Variants in HS6ST2 observed in about 807,000 individuals in gnomAD.
HS6ST2 encodes heparan-sulfate 6-O-sulfotransferase 2.
A neutral mutation model predicts 33.0 loss-of-function variants in HS6ST2; 17 were observed. The observed-to-expected ratio is 0.52, with a 90% confidence interval of 0.35 to 0.77. The LOEUF (loss-of-function observed/expected upper bound fraction) is 0.77, where lower values mean the gene tolerates loss of function less well. Among genes scored for constraint, HS6ST2 ranks in the 30% least tolerant of loss-of-function variants. The pLI is 0.01. For missense variants in HS6ST2, 519 were observed against 551.7 expected (o/e 0.94, Z 0.59); for synonymous variants, 248 against 237.1 (o/e 1.05, Z -0.42).
chrX:132,676,221 T>C (rs966092743), intron 3 of HS6ST2, among the ~76,000 whole-genome samples: 1 of 112,463 alleles, frequency 8.9e-6, no homozygotes, highest in Non-Finnish European at 1.9e-5. Flanking sequence ...TCAGAAAATA[T>C]TGAATGTGTT....
At chrX:132,890,507 G>A (rs2066298251) in intron 2 of HS6ST2, among the ~76,000 whole-genome samples, 1 of 108,775 alleles carries the variant, frequency 9.2e-6, no homozygotes, top group Admixed American at 9.8e-5. Flanking sequence ...GGCTTCTATG[G>A]CTATTATTGG....
intron 2 of HS6ST2, among the ~76,000 whole-genome samples, chrX:132,913,568 A>T (rs754006027): frequency 9.0e-6 from 1 of 111,499 alleles, no homozygotes; most frequent in African/African-American, 3.3e-5. Context: ...CAAGTGTGGG[A>T]TCTGGGCAGG....
chrX:132,755,881 C>A (rs942567324), intron 2 of HS6ST2, among the ~76,000 whole-genome samples: 2 of 111,507 alleles, frequency 1.8e-5, no homozygotes, highest in African/African-American at 6.5e-5. Context: ...TTTTTTGGTA[C>A]CCCCTTTAGT....
intron 2 of HS6ST2, among the ~76,000 whole-genome samples, chrX:132,944,391 A>G (rs2066921011): frequency 9.0e-6 from 1 of 111,546 alleles, no homozygotes; most frequent in Non-Finnish European, 1.9e-5. Flanking sequence ...ATGCTCATGG[A>G]TAGGAAGAAT....
intron 2 of HS6ST2, among the ~76,000 whole-genome samples, chrX:132,914,338 C>G (rs2066564209): frequency 9.0e-6 from 1 of 111,711 alleles, no homozygotes; most frequent in Admixed American, 9.5e-5. Flanking sequence ...ATTACCACCT[C>G]CATAATCTCC....
chrX:132,828,696 ACAC>A lies in HS6ST2; in HGVS notation c.948-120205_948-120203del, dbSNP rs2065553336. ...TCATATTTTATATATATATATATAC[ACAC>A]ACACACACACACACACACACACACA... On this transcript the variant is annotated intron_variant, in intron 2 of 4. Transcript: ENST00000370833. Among the ~76,000 whole-genome samples, 3 of 31,150 alleles carry A rather than the reference ACAC, an allele frequency of 9.6e-5. No individual in the cohort carries two copies. In the East Asian group the frequency reaches 3.7e-3, roughly 39 times the overall value. 27.1% of individuals were successfully genotyped at this position (31,150 alleles called of 115,157 possible).
At chrX:132,894,619 C>T (rs1033227593) in intron 2 of HS6ST2, among the ~76,000 whole-genome samples, 3 of 110,511 alleles carry the variant, frequency 2.7e-5, no homozygotes, top group Non-Finnish European at 5.7e-5. Context: ...TCACTGCAAC[C>T]TCTGCCTCTG....
At chrX:132,670,501 T>C (rs763097771) in intron 3 of HS6ST2, among the ~76,000 whole-genome samples, 140 of 111,667 alleles carry the variant, frequency 1.3e-3, no homozygotes, top group African/African-American at 4.1e-3. Context: ...GTCCAAGCAC[T>C]TAAGAGTCAG....
At position 132,630,072 on chromosome X, in the gene HS6ST2, C is replaced by T. The variant is rs147014323; in HGVS notation, c.1068-979G>A. On this transcript the variant is annotated intron_variant, in intron 4 of 4. Transcript: ENST00000370833. The stretch of plus-strand genomic sequence containing the variant: ...ACTCACACCATACATGGTAGGCACA[C>T]GCCCCAGAAACATCAAGTCCATGAT... Among the ~76,000 whole-genome samples, 6 of 111,771 alleles carry T rather than the reference C, an allele frequency of 5.4e-5. No individual in the cohort carries two copies. The South Asian group carries it at 1.1e-3, about 21-fold the overall frequency.
At chrX:132,874,360 G>A (rs1372900419) in intron 2 of HS6ST2, among the ~76,000 whole-genome samples, 2 of 112,143 alleles carry the variant, frequency 1.8e-5, no homozygotes, top group African/African-American at 3.2e-5. Flanking sequence ...GGCGGATCAC[G>A]AGGTCAAGAG....
chrX:132,957,513 C>T (rs1418823552), intron 1 of HS6ST2, among the ~76,000 whole-genome samples, 187 bp from the exon 2 acceptor site: 3 of 109,825 alleles, frequency 2.7e-5, no homozygotes, highest in Non-Finnish European at 5.7e-5. Context: ...TCCCGGCAGG[C>T]TCAGCGCTGT....
rs2063499218 is a variant in HS6ST2, at chrX:132,629,058, A to G, written c.1103T>C (p.Val368Ala). 2 of 1,200,337 alleles carry G rather than the reference A, an allele frequency of 1.7e-6. No individual in the cohort carries two copies. The highest frequency in any genetic ancestry group is 2.2e-6 in the Non-Finnish European group (2 of 889,071). The stretch of plus-strand genomic sequence containing the variant: ...CCTCCACTCACTCAAGTACCGGGAC[A>G]CTGGGTCTCGGAGGATGGTGATGTA... ...FHYITILRDP[V>A]SRYLSEWRHV... The change falls in exon 5 of 5, where the codon GTG becomes GCG. Residue 368 changes from valine to alanine, a missense_variant. Transcript: ENST00000370833.
intron 2 of HS6ST2, among the ~76,000 whole-genome samples, chrX:132,782,174 A>G (rs919822330): frequency 6.2e-5 from 7 of 112,226 alleles, no homozygotes; most frequent in African/African-American, 2.3e-4. Context: ...TCCAAAAGGA[A>G]ACAAAAAGTA....
chrX:132,743,953 C>CTGTG (rs761435444), intron 2 of HS6ST2, among the ~76,000 whole-genome samples: 1 of 108,337 alleles, frequency 9.2e-6, no homozygotes, highest in African/African-American at 3.4e-5. Flanking sequence ...CTAATTTTGT[C>CTGTG]TGTGTGTGTG....
intron 4 of HS6ST2, among the ~76,000 whole-genome samples, chrX:132,664,519 T>G (rs2063796456): frequency 8.9e-6 from 1 of 111,833 alleles, no homozygotes; most frequent in South Asian, 3.8e-4. Context: ...TCCAAGTAGA[T>G]TTGTGGAGTA....
chrX:132,788,855 A>G (rs1043983537), intron 2 of HS6ST2, among the ~76,000 whole-genome samples: 1 of 113,068 alleles, frequency 8.8e-6, no homozygotes, highest in Non-Finnish European at 1.9e-5. Context: ...CCTGATCCAG[A>G]GCAAGGCTCT....
At chrX:132,885,146 C>A (rs751788829) in intron 2 of HS6ST2, among the ~76,000 whole-genome samples, 1 of 111,661 alleles carries the variant, frequency 9.0e-6, no homozygotes, top group Admixed American at 9.6e-5. Flanking sequence ...CAAATATGAT[C>A]TACCCTTATA....
At chrX:132,880,659 G>C (rs1447946615) in intron 2 of HS6ST2, among the ~76,000 whole-genome samples, 1 of 108,541 alleles carries the variant, frequency 9.2e-6, no homozygotes, top group East Asian at 2.9e-4. Context: ...TTAAGTTCCA[G>C]GGTACATGTG....
chrX:132,652,976 C>T (rs949604121), intron 4 of HS6ST2, among the ~76,000 whole-genome samples: 4 of 111,128 alleles, frequency 3.6e-5, no homozygotes, highest in African/African-American at 9.8e-5. Context: ...AAAACGCCAT[C>T]CTTTATTTTG....
Sources: gnomAD v4.1 joint callset for allele counts (sites outside exome capture counted in the v4.1 genomes callset) on GRCh38, gnomAD v4.1.1 for gene constraint, MANE v1.5 for transcripts, NCBI Gene and HGNC (gene_info 2026-07-23, HGNC 2026-07-21) for gene names.